Variants in SMYD3 observed in about 807,000 individuals in gnomAD.
SMYD3 encodes the protein SET and MYND domain containing 3.
SMYD3 carries 36 observed loss-of-function variants against 57.7 expected under a neutral mutation model. That is an observed-to-expected ratio of 0.62 (90% CI 0.48 to 0.82). The LOEUF (loss-of-function observed/expected upper bound fraction) is 0.82. Among genes scored for constraint, SMYD3 ranks in the 40% least tolerant of loss-of-function variants. The pLI, the probability that SMYD3 is intolerant of heterozygous loss-of-function variation, is 0.00. For missense variants in SMYD3, 515 were observed against 538.8 expected (o/e 0.96, Z 0.44); for synonymous variants, 211 against 195.0 (o/e 1.08, Z -0.68).
At chr1:246,098,924 A>G (rs114423154) in intron 5 of SMYD3, among the ~76,000 whole-genome samples, 1,956 of 152,336 alleles carry the variant, frequency 0.013, 43 homozygotes, top group African/African-American at 0.044. Context: ...CATTTGCCAA[A>G]CTACTTCTAG....
At chr1:246,492,961 T>C (rs960818783) in intron 1 of SMYD3, among the ~76,000 whole-genome samples, 1 of 152,192 alleles carries the variant, frequency 6.6e-6, no homozygotes, top group Non-Finnish European at 1.5e-5. Flanking sequence ...TTAATTACAG[T>C]GGAAGACAGC....
At chr1:246,309,374 T>C (rs539612603) in intron 5 of SMYD3, among the ~76,000 whole-genome samples, 88 of 152,298 alleles carry the variant, frequency 5.8e-4, no homozygotes, top group South Asian at 1.0e-3. Context: ...GACGAAGGTA[T>C]AGTGAACTAG....
intron 10 of SMYD3, among the ~76,000 whole-genome samples, chr1:245,840,531 AG>A (rs1490284637): frequency 1.3e-5 from 2 of 152,208 alleles, no homozygotes; most frequent in East Asian, 3.8e-4. Flanking sequence ...ATTTCAATAT[AG>A]TGTTTGAGGT....
At chr1:246,223,666 C>T (rs1441629812) in intron 5 of SMYD3, among the ~76,000 whole-genome samples, 1 of 152,080 alleles carries the variant, frequency 6.6e-6, no homozygotes, top group Non-Finnish European at 1.5e-5. Context: ...TATACCTATA[C>T]TATTGGTATT....
At chr1:246,146,403 C>G (rs990766556) in intron 5 of SMYD3, among the ~76,000 whole-genome samples, 18 of 152,164 alleles carry the variant, frequency 1.2e-4, no homozygotes, top group Admixed American at 5.9e-4. Context: ...CAGTAGAACA[C>G]GTACCTGCAC....
intron 8 of SMYD3, among the ~76,000 whole-genome samples, chr1:245,903,205 C>T (rs1009449704): frequency 1.8e-4 from 27 of 152,074 alleles, no homozygotes; most frequent in Middle Eastern, 6.8e-3. Context: ...AAAATATAAT[C>T]GAGAAGCTTC....
chr1:245,989,072 G>C (rs906869037), intron 5 of SMYD3, among the ~76,000 whole-genome samples: 1 of 152,222 alleles, frequency 6.6e-6, no homozygotes, highest in Non-Finnish European at 1.5e-5. Context: ...CCCTGGCTGG[G>C]AGTGGTGAGA....
At chr1:245,918,091 C>T (rs762421945) in intron 7 of SMYD3, among the ~76,000 whole-genome samples, 2 of 152,270 alleles carry the variant, frequency 1.3e-5, no homozygotes, top group South Asian at 2.1e-4. Flanking sequence ...CCATCACCAA[C>T]GGGACAGGAG....
At chr1:246,319,189 T>G (rs1190534274) in intron 5 of SMYD3, among the ~76,000 whole-genome samples, 1 of 152,216 alleles carries the variant, frequency 6.6e-6, no homozygotes, top group Admixed American at 6.5e-5. Flanking sequence ...AATGCCAGGA[T>G]CTGCATGCAG....
At chr1:246,316,758 G>A (rs2065167159) in intron 5 of SMYD3, among the ~76,000 whole-genome samples, 1 of 149,970 alleles carries the variant, frequency 6.7e-6, no homozygotes, top group Non-Finnish European at 1.5e-5. Flanking sequence ...CACTTTGGGA[G>A]GCCGAGGCGA....
At chr1:246,329,299 T>C in intron 4 of SMYD3, among the ~76,000 whole-genome samples, 1 of 152,192 alleles carries the variant, frequency 6.6e-6, no homozygotes. Flanking sequence ...TAGTTTACAG[T>C]CCCACCAACA....
At chr1:245,852,373 T>C (rs1001072725) in intron 10 of SMYD3, among the ~76,000 whole-genome samples, 4 of 152,192 alleles carry the variant, frequency 2.6e-5, no homozygotes, top group Admixed American at 6.5e-5. Context: ...AATGAAGGTC[T>C]TTACCCAAAC....
At chr1:246,466,070 C>A (rs2067876823) in intron 1 of SMYD3, among the ~76,000 whole-genome samples, 1 of 152,210 alleles carries the variant, frequency 6.6e-6, no homozygotes, top group African/African-American at 2.4e-5. Context: ...CTGCTCCTGG[C>A]CACTTATACA....
intron 1 of SMYD3, among the ~76,000 whole-genome samples, chr1:246,367,326 C>T (rs1384667696): frequency 1.3e-5 from 2 of 152,180 alleles, no homozygotes; most frequent in African/African-American, 4.8e-5. Flanking sequence ...TTTCTTCCAA[C>T]TCCAAAATTA....
intron 5 of SMYD3, among the ~76,000 whole-genome samples, chr1:246,093,954 A>G (rs1348518629): frequency 2.0e-5 from 3 of 152,166 alleles, no homozygotes; most frequent in African/African-American, 7.2e-5. Context: ...GTTTACTAGA[A>G]GTCGGTGTAG....
chr1:245,938,194 C>G (rs1444997887), intron 5 of SMYD3, among the ~76,000 whole-genome samples: 1 of 152,158 alleles, frequency 6.6e-6, no homozygotes, highest in Non-Finnish European at 1.5e-5. Flanking sequence ...GGAGTGAAAC[C>G]CAGAAGCAGG....
intron 5 of SMYD3, among the ~76,000 whole-genome samples, chr1:246,272,536 T>A (rs1157379982): frequency 1.3e-5 from 2 of 152,206 alleles, no homozygotes; most frequent in African/African-American, 4.8e-5. Flanking sequence ...ATTCAGATGA[T>A]CACGTGGGGT....
At chr1:246,441,946 CTATT>C (rs2067477686) in intron 1 of SMYD3, among the ~76,000 whole-genome samples, 1 of 152,216 alleles carries the variant, frequency 6.6e-6, no homozygotes, top group African/African-American at 2.4e-5. Context: ...GTTCATGTAT[CTATT>C]CATTCAGTCA....
intron 5 of SMYD3, among the ~76,000 whole-genome samples, chr1:246,135,637 G>GACAC (rs372041525): frequency 4.0e-5 from 6 of 150,638 alleles, no homozygotes; most frequent in South Asian, 2.1e-4. Context: ...AATTGTCTCA[G>GACAC]ACACACACAC....
Sources: allele counts gnomAD v4.1 joint callset (sites outside exome capture counted in the v4.1 genomes callset), GRCh38; gene constraint gnomAD v4.1.1; transcripts MANE v1.5; gene names NCBI Gene and HGNC (gene_info 2026-07-23, HGNC 2026-07-21).